The following RBM22 variants were observed in gnomAD, a reference collection of about 807,000 sequenced individuals.
The protein encoded by RBM22 is pre-mRNA-splicing factor RBM22.
RBM22 carries 1 observed loss-of-function variant against 50.1 expected under a neutral mutation model. The ratio of observed to expected loss-of-function variants is 0.02; its 90% CI spans 0.01 to 0.09. RBM22 has a LOEUF of 0.09. Ranked by LOEUF, RBM22 falls within the 10% of genes least tolerant of loss-of-function variation. The probability of loss-of-function intolerance (pLI) is 1.00; values close to 1 mark genes in which losing one functional copy is unlikely to be tolerated. For missense variants in RBM22, 264 were observed against 529.3 expected, an observed-to-expected ratio of 0.50 and a Z score of 4.92; for synonymous variants, 152 against 179.0, an observed-to-expected ratio of 0.85 and a Z score of 1.20.
At chr5:150,692,650 T>C (rs1410877009) in intron 10 of RBM22, among the ~76,000 whole-genome samples, 1 of 152,128 alleles carries the variant, frequency 6.6e-6, no homozygotes, top group African/African-American at 2.4e-5. Flanking sequence ...TGGTGATAGA[T>C]CTTTGTAATC....
intron 2 of RBM22, among the ~76,000 whole-genome samples, chr5:150,699,866 T>G (rs540074721): frequency 3.5e-4 from 53 of 152,360 alleles, no homozygotes; most frequent in Middle Eastern, 3.4e-3. Context: ...AATGTTCTGT[T>G]TAAACAGAAC....
chr5:150,695,839 C>T, intron 6 of RBM22, 133 bp from the exon 7 acceptor site: 1 of 709,596 alleles, frequency 1.4e-6, no homozygotes, highest in African/African-American at 1.8e-5. Context: ...ACTATGGTTT[C>T]TACCAAAATA....
chr5:150,695,718 G>T lies in RBM22; in HGVS notation c.546-12C>A, dbSNP rs746194675. The T allele has an allele frequency of 1.9e-6, 3 of 1,585,630 alleles. No individual in the cohort carries two copies. The highest frequency in any genetic ancestry group is 2.6e-6 in the Non-Finnish European group (3 of 1,164,678). ...TAGGCTTCTCATGTCTATGATTCAA[G>T]AAAAAAACAAGGCATAAAGGTGAAA... On this transcript the variant is annotated splice_polypyrimidine_tract_variant and intron_variant, in intron 6 of 10. Transcript: ENST00000199814.
chr5:150,693,372 C>T (rs1220677174), intron 8 of RBM22, 65 bp from the exon 9 acceptor site: 6 of 1,295,254 alleles, frequency 4.6e-6, no homozygotes, highest in Non-Finnish European at 6.6e-6. Flanking sequence ...CTGCTTCTTA[C>T]ATTCCCCAGT....
intron 3 of RBM22, 42 bp downstream of exon 3, chr5:150,699,200 A>C: frequency 6.4e-7 from 1 of 1,566,056 alleles, no homozygotes; most frequent in Non-Finnish European, 8.6e-7. Flanking sequence ...AGAGAAAAGA[A>C]AAATGAAACA....
intron 2 of RBM22, among the ~76,000 whole-genome samples, chr5:150,700,073 A>G (rs1013490584): frequency 6.6e-6 from 1 of 152,218 alleles, no homozygotes; most frequent in African/African-American, 2.4e-5. Context: ...GGATTCAGGA[A>G]ACCTAGTTTC....
intron 2 of RBM22, 86 bp downstream of exon 2, chr5:150,700,358 G>A (rs138050917): frequency 6.0e-6 from 8 of 1,325,732 alleles, no homozygotes; most frequent in African/African-American, 2.9e-5. Flanking sequence ...CATTTTTTCT[G>A]CTTGTCTAAG....
Position 150,695,653 on chromosome 5 carries a change from T to C in RBM22, c.599A>G (p.Asp200Gly). 1 of 1,612,468 alleles carries C rather than the reference T, an allele frequency of 6.2e-7. No individual in the cohort carries two copies. Among genetic ancestry groups the C allele is most frequent in the Non-Finnish European group, 8.5e-7 (1 of 1,179,704 alleles). ...DDPLADQNIK[D>G]RYYGINDPVA... ...AGGATCATTGATTCCGTAATAACGG[T>C]CTTTAATATTCTGATCAGCAAGGGG... is the stretch of plus-strand genomic sequence containing the variant. The change falls in exon 7 of 11, where the codon GAC (aspartate) becomes GGC (glycine). Residue 200 changes from aspartate to glycine, a missense_variant. Physicochemically the swap from Asp to Gly is moderately conservative, Grantham distance 94 (BLOSUM62 -1). Transcript: ENST00000199814.
intron 1 of RBM22, 36 bp downstream of exon 1, chr5:150,700,896 C>CTCCTCCTTCCA (rs899472603): frequency 2.5e-6 from 4 of 1,614,184 alleles, no homozygotes; most frequent in Non-Finnish European, 3.4e-6. Flanking sequence ...GCGGCTTCGC[C>CTCCTCCTTCCA]TCCTCCTTCC....
intron 1 of RBM22, 134 bp downstream of exon 1, chr5:150,700,798 C>T: frequency 6.3e-7 from 1 of 1,583,028 alleles, no homozygotes; most frequent in Non-Finnish European, 8.6e-7. Flanking sequence ...CGCCCTCCTG[C>T]TCCGGCCAAG....
At chr5:150,697,237 C>T (rs894851339) in intron 4 of RBM22, among the ~76,000 whole-genome samples, 4 of 152,040 alleles carry the variant, frequency 2.6e-5, no homozygotes, top group Non-Finnish European at 5.9e-5. Context: ...GCCTGGTCAA[C>T]GTGGTGAAAC....
At chr5:150,694,611 G>A (rs1274160644) in intron 7 of RBM22, 2 of 168,556 alleles carry the variant, frequency 1.2e-5, no homozygotes, top group African/African-American at 4.8e-5. Context: ...GACTGCATGT[G>A]GCCCACAATG....
chr5:150,695,067 C>G (rs907362408), intron 7 of RBM22, among the ~76,000 whole-genome samples: 1 of 152,210 alleles, frequency 6.6e-6, no homozygotes, highest in Non-Finnish European at 1.5e-5. Flanking sequence ...CACTCTGTTG[C>G]TTAGGCTGGA....
intron 6 of RBM22, 66 bp from the exon 7 acceptor site, chr5:150,695,772 G>A: frequency 7.4e-7 from 1 of 1,345,138 alleles, no homozygotes; most frequent in Non-Finnish European, 1.0e-6. Context: ...TATCTTCCAA[G>A]AGTAGCTACA....
chr5:150,693,010 A>C lies in RBM22; in HGVS notation c.1017T>G (p.Pro339=). Residue 339 remains proline (P), a synonymous_variant, in exon 10 of 11, where the codon CCT becomes CCG. Coordinates refer to ENST00000199814, the MANE Select transcript of RBM22 (RefSeq NM_018047.3). ...PGLPGALPPP[P]AAEEEASANY... is the part of the protein sequence containing the mutation. ...TGGCAGAGGCTTCTTCTTCTGCTGC[A>C]GGAGGAGGAGGAAGAGCTGGAGGAG... The C allele has an allele frequency of 6.2e-7, 1 of 1,606,936 alleles. No individual in the cohort carries two copies. Among genetic ancestry groups the C allele is most frequent in the Non-Finnish European group, 8.5e-7 (1 of 1,177,052 alleles).
chr5:150,697,758 T>A lies in RBM22; in HGVS notation c.271+741A>T, dbSNP rs185613434. ...CCTTTCCTTTAATAGTAAAAACTCT[T>A]GTTGAAAAATTATCTTTCTGAAAAA... On this transcript the variant is annotated intron_variant, in intron 4 of 10. Coordinates refer to ENST00000199814, the MANE Select transcript of RBM22 (RefSeq NM_018047.3). 386 of 335,674 alleles carry A rather than the reference T, an allele frequency of 1.1e-3. 1 individual carries two copies. Among genetic ancestry groups the A allele is most frequent in the Non-Finnish European group, 1.4e-3 (238 of 174,604 alleles). 20.8% of individuals were successfully genotyped at this position (335,674 alleles called of 1,614,324 possible).
chr5:150,695,329 A>G (rs1451466451), intron 7 of RBM22, 177 bp downstream of exon 7: 1 of 613,754 alleles, frequency 1.6e-6, no homozygotes, highest in African/African-American at 1.8e-5. Flanking sequence ...TAAGCACATT[A>G]TTACTGTGGC....
rs1348245742 is a variant in RBM22, at chr5:150,696,732, A to G, written c.373-27T>C. ...TAAGTGGGGATGACAAATTCAAAAG[A>G]TAAATTATACAGACTGTGTCAATTC... On this transcript the variant is annotated intron_variant, in intron 5 of 10. Transcript: ENST00000199814. The surrounding 1 kb of genome is among the most constrained non-coding windows in gnomAD (Gnocchi z 4.3). 6.2e-7 allele frequency: 1 copy of G among 1,613,926 alleles called. No individual in the cohort carries two copies. Among genetic ancestry groups the G allele is most frequent in the East Asian group, 2.2e-5 (1 of 44,904 alleles).
intron 7 of RBM22, chr5:150,694,531 A>G: frequency 3.4e-6 from 1 of 290,654 alleles, no homozygotes; most frequent in Non-Finnish European, 6.2e-6. Flanking sequence ...AACCCTAGAT[A>G]AGAGGTTGGC....
Sources: allele counts gnomAD v4.1 joint callset (sites outside exome capture counted in the v4.1 genomes callset), GRCh38; gene constraint gnomAD v4.1.1; non-coding constraint Gnocchi (gnomAD v3.1); transcripts MANE v1.5; gene names NCBI Gene and HGNC (gene_info 2026-07-23, HGNC 2026-07-21).